The following ZBTB20 variants were observed in gnomAD, a reference collection of about 807,000 sequenced individuals.
ZBTB20 encodes the protein zinc finger and BTB domain containing 20.
ZBTB20 carries 9 observed loss-of-function variants against 56.9 expected under a neutral mutation model. The observed-to-expected ratio is 0.16, with a 90% CI of 0.10 to 0.28. ZBTB20 has a LOEUF of 0.28. ZBTB20 is among the 10% of genes least tolerant of loss of function. The probability of loss-of-function intolerance (pLI) is 1.00; values close to 1 mark genes in which losing one functional copy is unlikely to be tolerated. For synonymous variants in ZBTB20, 417 were observed against 420.7 expected, an observed-to-expected ratio of 0.99 and a Z score of 0.11; for missense variants, 655 against 1,003.0, an observed-to-expected ratio of 0.65 and a Z score of 4.69.
intron 2 of ZBTB20, among the ~76,000 whole-genome samples, chr3:114,994,836 G>A (rs2078961006): frequency 6.6e-6 from 1 of 151,788 alleles, no homozygotes; most frequent in Non-Finnish European, 1.5e-5. Flanking sequence ...GAAATCCCAC[G>A]CTAAAACTGA....
At chr3:114,423,080 C>T (rs1178256621) in intron 7 of ZBTB20, among the ~76,000 whole-genome samples, 2 of 152,198 alleles carry the variant, frequency 1.3e-5, no homozygotes, top group African/African-American at 4.8e-5. Context: ...AATATTTAAT[C>T]TTTAAATCAA....
intron 2 of ZBTB20, among the ~76,000 whole-genome samples, chr3:115,010,648 A>G (rs548719965): frequency 6.6e-6 from 1 of 151,972 alleles, no homozygotes; most frequent in Non-Finnish European, 1.5e-5. Flanking sequence ...GTCTTTTCAA[A>G]TATCTGGAAC....
intron 6 of ZBTB20, among the ~76,000 whole-genome samples, chr3:114,613,258 A>G (rs2057690466): frequency 6.6e-6 from 1 of 152,190 alleles, no homozygotes; most frequent in Admixed American, 6.5e-5. Context: ...AAGACTGGGA[A>G]TGATAACTGG....
At chr3:115,125,030 T>C (rs528461254) in intron 1 of ZBTB20, among the ~76,000 whole-genome samples, 81 of 151,982 alleles carry the variant, frequency 5.3e-4, no homozygotes, top group South Asian at 1.9e-3. Flanking sequence ...TTAAAGTTTT[T>C]TTTAAAAAAA....
intron 6 of ZBTB20, among the ~76,000 whole-genome samples, chr3:114,685,084 T>C (rs368299097): frequency 7.2e-5 from 11 of 152,168 alleles, no homozygotes; most frequent in Admixed American, 7.2e-4. Flanking sequence ...CATCATTCTG[T>C]TTTCCCATTT....
chr3:114,939,294 A>G (rs1337038842), intron 3 of ZBTB20, among the ~76,000 whole-genome samples: 1 of 146,696 alleles, frequency 6.8e-6, no homozygotes, highest in Non-Finnish European at 1.5e-5. Context: ...TTGAAAGGAT[A>G]GAAACAATTT....
chr3:114,352,103 G>C (rs1054964024), intron 10 of ZBTB20: 16 of 574,932 alleles, frequency 2.8e-5, no homozygotes, highest in Middle Eastern at 4.6e-4. Context: ...TAGTGCCGCA[G>C]CCATTTTGGG....
intron 1 of ZBTB20, among the ~76,000 whole-genome samples, chr3:115,129,480 A>G (rs1472066999): frequency 3.9e-5 from 6 of 152,200 alleles, no homozygotes; most frequent in Non-Finnish European, 7.4e-5. Flanking sequence ...GTATTTCCTA[A>G]TACTCTCACA....
intron 6 of ZBTB20, among the ~76,000 whole-genome samples, chr3:114,551,830 T>C (rs1458684651): frequency 6.6e-6 from 1 of 152,244 alleles, no homozygotes; most frequent in Non-Finnish European, 1.5e-5. Context: ...GATGTGTTTG[T>C]AAACTTCTAG....
At chr3:114,831,500 T>A (rs940586901) in intron 4 of ZBTB20, among the ~76,000 whole-genome samples, 27 of 152,172 alleles carry the variant, frequency 1.8e-4, no homozygotes, top group African/African-American at 4.8e-4. Context: ...AAAATTACTC[T>A]ACAGTGTCTA....
At chr3:114,989,978 C>T (rs987730827) in intron 2 of ZBTB20, among the ~76,000 whole-genome samples, 7 of 152,142 alleles carry the variant, frequency 4.6e-5, no homozygotes, top group Admixed American at 2.6e-4. Context: ...GCTGAAGTTG[C>T]TTATCAGCTT....
At chr3:114,753,680 C>T (rs1419059002) in intron 5 of ZBTB20, among the ~76,000 whole-genome samples, 1 of 151,872 alleles carries the variant, frequency 6.6e-6, no homozygotes, top group East Asian at 1.9e-4. Flanking sequence ...GTGATCTGCC[C>T]GCCTTGGCCT....
chr3:114,431,362 G>A (rs899548502), intron 7 of ZBTB20, among the ~76,000 whole-genome samples: 2 of 152,064 alleles, frequency 1.3e-5, no homozygotes, highest in African/African-American at 2.4e-5. Flanking sequence ...GGTCAGAGAC[G>A]GATATTGCAG....
chr3:114,387,988 A>T (rs1232579396), intron 8 of ZBTB20: 2 of 152,084 alleles, frequency 1.3e-5, no homozygotes, highest in South Asian at 4.1e-4. Flanking sequence ...ATAAAGCAAA[A>T]CTCTGGCTTC....
chr3:115,039,493 C>T (rs555121876), intron 2 of ZBTB20, among the ~76,000 whole-genome samples: 3 of 151,860 alleles, frequency 2.0e-5, no homozygotes, highest in East Asian at 1.9e-4. Context: ...TCACAGATGA[C>T]GTGTTGCTTG....
intron 4 of ZBTB20, among the ~76,000 whole-genome samples, chr3:114,818,999 G>A (rs2073098583): frequency 6.6e-6 from 1 of 151,954 alleles, no homozygotes; most frequent in Non-Finnish European, 1.5e-5. Context: ...CCAACTTACA[G>A]TGGTTCAGCT....
chr3:114,446,627 C>T (rs866275442), intron 7 of ZBTB20, among the ~76,000 whole-genome samples: 23 of 152,236 alleles, frequency 1.5e-4, no homozygotes, highest in African/African-American at 5.3e-4. Context: ...TACAGTTTCA[C>T]GAACTTCCTC....
At chr3:114,965,097 C>T (rs943910804) in intron 3 of ZBTB20, among the ~76,000 whole-genome samples, 1 of 152,114 alleles carries the variant, frequency 6.6e-6, no homozygotes, top group Admixed American at 6.6e-5. Context: ...CCTGAGAAAT[C>T]TGCAAATAAT....
At chr3:114,705,955 T>C (rs1444793992) in intron 5 of ZBTB20, among the ~76,000 whole-genome samples, 1 of 152,204 alleles carries the variant, frequency 6.6e-6, no homozygotes, top group East Asian at 1.9e-4. Context: ...AAAACAACTT[T>C]CAGACATTTG....
Sources: gnomAD v4.1 joint callset for allele counts (sites outside exome capture counted in the v4.1 genomes callset) on GRCh38, gnomAD v4.1.1 for gene constraint, MANE v1.5 for transcripts, NCBI Gene and HGNC (gene_info 2026-07-23, HGNC 2026-07-21) for gene names.